KIF1B: variants seen among roughly 807,000 people sequenced by gnomAD.
KIF1B encodes the protein kinesin family member 1B, also known as kinesin-like protein KIF1B.
KIF1B carries 76 observed loss-of-function variants against 241.9 expected under a neutral mutation model. The ratio of observed to expected loss-of-function variants is 0.31; its 90% confidence interval spans 0.26 to 0.38. KIF1B has a LOEUF of 0.38. Ranked by LOEUF, KIF1B falls within the 10% of genes least tolerant of loss-of-function variation. KIF1B has a pLI of 1.00. For missense variants in KIF1B, 1,622 were observed against 2,271.4 expected (o/e 0.71, Z 5.81); for synonymous variants, 750 against 796.7 (o/e 0.94, Z 0.99).
chr1:10,374,934 G>T lies in KIF1B; in HGVS notation c.5177G>T (p.Arg1726Leu), dbSNP rs778439251. Reference protein sequence around the residue: ...SNWAKHFVVVRRPYVFIYNSD... With the variant: ...SNWAKHFVVVLRPYVFIYNSD... ...TGGGCTAAACATTTTGTTGTCGTCC[G>T]TCGGCCTTATGTCTTCATCTATAAC... The change falls in exon 47 of 49, where the codon CGT becomes CTT. Residue 1726 changes from arginine (R) to leucine (L), a missense_variant. Physicochemically the swap from Arg to Leu is moderately radical, Grantham distance 102. This residue lies in a region of KIF1B where 357 missense variants were observed against 409.0 expected (regional missense o/e 0.87). Coordinates refer to ENST00000676179, the MANE Select transcript of KIF1B (RefSeq NM_001365951.3). The surrounding 1 kb of genome is among the most constrained non-coding windows in gnomAD (Gnocchi z 4.3). The T allele has an allele frequency of 3.7e-6, 6 of 1,614,056 alleles. No individual in the cohort carries two copies. Among genetic ancestry groups the T allele is most frequent in the Non-Finnish European group, 5.1e-6 (6 of 1,180,010 alleles).
intron 22 of KIF1B, chr1:10,299,212 TA>T (rs1650422986): frequency 2.0e-5 from 3 of 150,276 alleles, no homozygotes; most frequent in Admixed American, 6.7e-5. Flanking sequence ...TGCCCTAAAA[TA>T]AAGATGGCCA....
At position 10,376,634 on chromosome 1, in the gene KIF1B, C is replaced by T. The variant is rs951617367; in HGVS notation, c.*47C>T. 9 of 1,549,390 alleles carry T rather than the reference C, an allele frequency of 5.8e-6. No homozygotes were observed. The East Asian group carries it at 6.7e-5, about 12-fold the overall frequency. ...ACTCGCCTTCGAGAGATAAAGAAAGCGTTACCTCTCATTTCTCTTTGTGAT... is the reference window on the plus strand; with the variant it reads ...ACTCGCCTTCGAGAGATAAAGAAAGTGTTACCTCTCATTTCTCTTTGTGAT... On this transcript the variant is annotated 3_prime_UTR_variant, in exon 49 of 49. Coordinates refer to ENST00000676179, the MANE Select transcript of KIF1B (RefSeq NM_001365951.3).
chr1:10,303,728 G>C lies in KIF1B; in HGVS notation c.2115+6482G>C. On this transcript the variant is annotated intron_variant, in intron 22 of 48. Coordinates refer to ENST00000676179, the MANE Select transcript of KIF1B (RefSeq NM_001365951.3). This position sits in a 1 kb window ranked among gnomAD's most constrained non-coding sequence, Gnocchi z 5.2. The stretch of plus-strand genomic sequence containing the variant: ...AAAGACGAGGAGATAAAAGTCTTAA[G>C]AAATAAAATGCTCAAAATGGAAAAA... 6.2e-7 allele frequency: 1 copy of C among 1,614,146 alleles called. No homozygotes were observed. Among genetic ancestry groups the C allele is most frequent in the South Asian group, 1.1e-5 (1 of 91,066 alleles).
intron 45 of KIF1B, among the ~76,000 whole-genome samples, chr1:10,372,737 C>CT (rs1638780010): frequency 6.8e-6 from 1 of 147,132 alleles, no homozygotes; most frequent in Non-Finnish European, 1.5e-5. Flanking sequence ...TCACGCCATT[C>CT]TCCTGCTTCA....
chr1:10,313,850 A>G (rs1409347872), intron 22 of KIF1B, among the ~76,000 whole-genome samples: 1 of 151,144 alleles, frequency 6.6e-6, no homozygotes, highest in Non-Finnish European at 1.5e-5. Context: ...GTGCTTGGCC[A>G]TTAGGATTTC....
intron 35 of KIF1B, among the ~76,000 whole-genome samples, chr1:10,347,503 A>G (rs1226364744): frequency 2.6e-5 from 4 of 152,242 alleles, no homozygotes; most frequent in Admixed American, 1.3e-4. Context: ...TTGCACTTCT[A>G]CATTATTTAT....
intron 31 of KIF1B, among the ~76,000 whole-genome samples, chr1:10,339,008 G>T (rs1032881057): frequency 6.6e-6 from 1 of 152,108 alleles, no homozygotes; most frequent in East Asian, 1.9e-4. Context: ...CCTTCTGATG[G>T]ATTTTTCTAT....
intron 32 of KIF1B, 136 bp from the exon 33 acceptor site, chr1:10,341,914 G>A (rs1652406782): frequency 1.4e-6 from 1 of 695,986 alleles, no homozygotes; most frequent in African/African-American, 1.8e-5. Context: ...GAGGCCGCAT[G>A]AGCCTTGTTT....
At chr1:10,293,229 G>A (rs902425704) in intron 17 of KIF1B, among the ~76,000 whole-genome samples, 4 of 151,930 alleles carry the variant, frequency 2.6e-5, no homozygotes, top group Admixed American at 6.6e-5. Context: ...GGTTTTCACA[G>A]TTTTAATAGT....
intron 2 of KIF1B, among the ~76,000 whole-genome samples, chr1:10,242,013 A>G (rs965977585): frequency 6.6e-5 from 10 of 152,186 alleles, no homozygotes; most frequent in Non-Finnish European, 1.5e-5. Flanking sequence ...TGTGCATTGT[A>G]TAGGTGAAAG....
At chr1:10,287,584 G>C (rs1029935619) in intron 15 of KIF1B, among the ~76,000 whole-genome samples, 1 of 152,096 alleles carries the variant, frequency 6.6e-6, no homozygotes, top group Non-Finnish European at 1.5e-5. Context: ...CCTAAAAATT[G>C]CAGCTGAAAA....
intron 15 of KIF1B, among the ~76,000 whole-genome samples, chr1:10,289,221 T>C (rs1343179419): frequency 6.6e-6 from 1 of 152,314 alleles, no homozygotes; most frequent in Middle Eastern, 3.4e-3. Context: ...CATTTCTCTG[T>C]CTGGGCCTCA....
intron 27 of KIF1B, among the ~76,000 whole-genome samples, chr1:10,327,859 A>G (rs543064474): frequency 2.0e-5 from 3 of 152,332 alleles, no homozygotes; most frequent in South Asian, 4.1e-4. Context: ...AGTACCAGTT[A>G]TCTAAAAATT....
At position 10,324,030 on chromosome 1, in the gene KIF1B, A is replaced by C; in HGVS notation, c.2505A>C (p.Gly835=). The change falls in exon 25 of 49, where the codon GGA becomes GGC. Residue 835 remains glycine (G), a synonymous_variant. Transcript: ENST00000676179. ...TAGAAGTCCAGGATTTGAAGAATGG[A>C]GCAACACACTATTGGTCTTTGGAGA... ...VAVEVQDLKN[G]ATHYWSLEKL... 2 of 1,614,184 alleles carry C rather than the reference A, an allele frequency of 1.2e-6. No homozygotes were observed. Among genetic ancestry groups the C allele is most frequent in the South Asian group, 2.2e-5 (2 of 91,084 alleles).
chr1:10,232,537 C>A, intron 2 of KIF1B, 103 bp downstream of exon 2: 1 of 812,090 alleles, frequency 1.2e-6, no homozygotes, highest in East Asian at 2.6e-5. Context: ...TATGTTAACA[C>A]TTTGAACTTT....
intron 10 of KIF1B, 119 bp downstream of exon 10, chr1:10,273,150 T>C (rs889877926): frequency 6.2e-5 from 44 of 704,596 alleles, no homozygotes; most frequent in Non-Finnish European, 9.9e-5. Flanking sequence ...TCATTTGTTC[T>C]CTGGCTCTGG....
intron 22 of KIF1B, among the ~76,000 whole-genome samples, chr1:10,313,597 C>T (rs1263056963): frequency 2.9e-5 from 4 of 138,330 alleles, no homozygotes; most frequent in Non-Finnish European, 6.0e-5. Context: ...GTCGCCCAGG[C>T]TGGAGTGCAG....
At chr1:10,272,789 A>AT (rs549647454) in intron 9 of KIF1B, among the ~76,000 whole-genome samples, 15 of 147,752 alleles carry the variant, frequency 1.0e-4, no homozygotes, top group African/African-American at 2.0e-4. Flanking sequence ...AACTAAAACT[A>AT]TTTTTTTTAA....
Position 10,374,982 on chromosome 1 carries a change from G to T in KIF1B, c.5225G>T (p.Arg1742Leu). The change falls in exon 47 of 49, where the codon CGT (arginine) becomes CTT (leucine). Residue 1742 changes from arginine (R) to leucine (L), a missense_variant. By Grantham distance (102) the Arg-to-Leu change is moderately radical. This residue lies in a region of KIF1B where 357 missense variants were observed against 409.0 expected (regional missense o/e 0.87). Transcript: ENST00000676179. This position sits in a 1 kb window ranked among gnomAD's most constrained non-coding sequence, Gnocchi z 4.3. ...IYNSDKDPVERGIINLSTAQV... is the reference protein window; with the variant it reads ...IYNSDKDPVELGIINLSTAQV... Reference sequence around the variant, plus strand: ...AACAGTGACAAAGACCCTGTGGAGCGTGGAATCATTAACCTGTCCACAGCA... The same window carrying T: ...AACAGTGACAAAGACCCTGTGGAGCTTGGAATCATTAACCTGTCCACAGCA... 13 of 1,614,142 alleles carry T rather than the reference G, an allele frequency of 8.1e-6. No individual in the cohort carries two copies. The highest frequency in any genetic ancestry group is 1.0e-5 in the Non-Finnish European group (12 of 1,180,010).
Sources: gnomAD v4.1 joint callset for allele counts (sites outside exome capture counted in the v4.1 genomes callset) on GRCh38, gnomAD v4.1.1 for gene constraint, gnomAD v4.1.1 regional missense constraint, Gnocchi (gnomAD v3.1) non-coding constraint, MANE v1.5 for transcripts, NCBI Gene and HGNC (gene_info 2026-07-23, HGNC 2026-07-21) for gene names.